OR2L13: variants seen among roughly 807,000 people sequenced by gnomAD.
The protein encoded by OR2L13 is olfactory receptor 2L13.
A neutral mutation model predicts 15.3 loss-of-function variants in OR2L13; 14 were observed. The ratio of observed to expected loss-of-function variants is 0.91; its 90% confidence interval spans 0.60 to 1.43. The LOEUF (loss-of-function observed/expected upper bound fraction) is 1.43. OR2L13 is among the 40% of genes most tolerant of loss of function. The pLI is 0.00. For synonymous variants in OR2L13, 152 were observed against 142.9 expected (o/e 1.06, Z -0.45); for missense variants, 367 against 387.9 (o/e 0.95, Z 0.45).
chr1:248,080,742 C>T, the OR2L13 span, among the ~76,000 whole-genome samples: 2 of 152,160 alleles, frequency 1.3e-5, no homozygotes, highest in African/African-American at 4.8e-5. Context: ...CATACGTGTG[C>T]ATGTGTCTTT....
At chr1:247,965,646 GA>G in the OR2L13 span, 1 of 1,549,694 alleles carries the variant, frequency 6.5e-7, no homozygotes. Context: ...CACAGAGTAA[GA>G]CCATTAGATT....
the OR2L13 span, among the ~76,000 whole-genome samples, chr1:248,048,928 T>C: frequency 6.6e-6 from 1 of 151,692 alleles, no homozygotes; most frequent in African/African-American, 2.4e-5. Flanking sequence ...TCTCTCTTTT[T>C]TTTTTTTTTG....
the OR2L13 span, among the ~76,000 whole-genome samples, chr1:247,990,040 G>C: frequency 6.6e-6 from 1 of 151,864 alleles, no homozygotes; most frequent in Non-Finnish European, 1.5e-5. Context: ...ATAATTGTTT[G>C]GTTTTCTTTT....
chr1:248,082,678 CT>C, the OR2L13 span, among the ~76,000 whole-genome samples: 3 of 151,826 alleles, frequency 2.0e-5, no homozygotes, highest in East Asian at 3.9e-4. Flanking sequence ...AAATAGTCTT[CT>C]TTTTTTTGTT....
At chr1:248,069,107 T>C in the OR2L13 span, among the ~76,000 whole-genome samples, 2 of 152,080 alleles carry the variant, frequency 1.3e-5, no homozygotes, top group Non-Finnish European at 2.9e-5. Flanking sequence ...AAATTCAGAT[T>C]CAGGAAATAC....
chr1:248,038,379 C>A, the OR2L13 span: 1 of 1,613,452 alleles, frequency 6.2e-7, no homozygotes, highest in Non-Finnish European at 8.5e-7. Context: ...CCTAATGGCT[C>A]TAATTGGAAA....
At chr1:247,962,644 A>T in the OR2L13 span, among the ~76,000 whole-genome samples, 1 of 152,218 alleles carries the variant, frequency 6.6e-6, no homozygotes, top group African/African-American at 2.4e-5. Context: ...GTCTACTTTT[A>T]CTATTATCAG....
the OR2L13 span, chr1:247,949,169 G>C: frequency 1.2e-6 from 2 of 1,614,110 alleles, no homozygotes; most frequent in Non-Finnish European, 1.7e-6. Flanking sequence ...TCTTCTTCTT[G>C]GCATTAGGAG....
At chr1:248,046,157 A>C in the OR2L13 span, among the ~76,000 whole-genome samples, 6 of 152,194 alleles carry the variant, frequency 3.9e-5, no homozygotes, top group Non-Finnish European at 8.8e-5. Flanking sequence ...ATAAAACAAG[A>C]GTAGTAACAT....
the OR2L13 span, among the ~76,000 whole-genome samples, chr1:248,001,240 G>T: frequency 6.6e-6 from 1 of 152,172 alleles, no homozygotes; most frequent in East Asian, 1.9e-4. Flanking sequence ...AACTCCAACA[G>T]AATCAAGGAA....
chr1:247,980,149 A>G, the OR2L13 span, among the ~76,000 whole-genome samples: 10 of 152,178 alleles, frequency 6.6e-5, no homozygotes, highest in African/African-American at 1.2e-4. Flanking sequence ...TCTTTGGCAT[A>G]AAAATTTAAT....
chr1:248,088,031 G>A, the OR2L13 span, among the ~76,000 whole-genome samples: 8 of 152,142 alleles, frequency 5.3e-5, no homozygotes, highest in South Asian at 6.2e-4. Flanking sequence ...ATTTACACGC[G>A]TGCTATTTAA....
chr1:248,083,611 C>T, the OR2L13 span: 5 of 1,323,324 alleles, frequency 3.8e-6, no homozygotes, highest in Admixed American at 9.0e-5. Flanking sequence ...AATTCAGGAA[C>T]TTAGAGTCAT....
chr1:248,018,564 T>C, the OR2L13 span, among the ~76,000 whole-genome samples: 14 of 152,276 alleles, frequency 9.2e-5, no homozygotes, highest in Admixed American at 7.9e-4. Context: ...CTCAGAAACT[T>C]GTAGGAATTT....
At chr1:248,092,806 C>G (rs1204432476), upstream of OR2L13, among the ~76,000 whole-genome samples, 1 of 152,046 alleles carries the variant, frequency 6.6e-6, no homozygotes, top group Admixed American at 6.6e-5. Flanking sequence ...CTATAATATC[C>G]ATCACCGCTC....
chr1:247,952,980 T>C, the OR2L13 span, among the ~76,000 whole-genome samples: 13 of 152,146 alleles, frequency 8.5e-5, no homozygotes, highest in Non-Finnish European at 1.9e-4. Context: ...GGTAATCCTA[T>C]TTTTCATGCC....
At chr1:247,984,876 A>G in the OR2L13 span, among the ~76,000 whole-genome samples, 2 of 152,058 alleles carry the variant, frequency 1.3e-5, no homozygotes, top group Non-Finnish European at 2.9e-5. Context: ...TCCCTACACA[A>G]TTATTCTCCC....
At chr1:248,080,479 C>T in the OR2L13 span, among the ~76,000 whole-genome samples, 15 of 152,246 alleles carry the variant, frequency 9.9e-5, no homozygotes, top group Admixed American at 2.0e-4. Context: ...TCCATGTGTC[C>T]ATGTGTCCTC....
chr1:247,949,357 A>G, the OR2L13 span: 1 of 1,613,998 alleles, frequency 6.2e-7, no homozygotes, highest in Non-Finnish European at 8.5e-7. Flanking sequence ...CATATTCCTT[A>G]TTGCCGATCC....
Sources: allele counts gnomAD v4.1 joint callset (sites outside exome capture counted in the v4.1 genomes callset), GRCh38; gene constraint gnomAD v4.1.1; transcripts MANE v1.5; gene names NCBI Gene and HGNC (gene_info 2026-07-23, HGNC 2026-07-21).